Variants in ANK3 observed in about 807,000 individuals in gnomAD.
ANK3 encodes ankyrin-3.
In ANK3, 57 loss-of-function variants were observed where a neutral mutation model predicts 370.9. That is an observed-to-expected ratio of 0.15 (90% CI 0.12 to 0.19). The LOEUF is 0.19. Among genes scored for constraint, ANK3 ranks in the 10% least tolerant of loss-of-function variants. The pLI is 1.00. For synonymous variants in ANK3, 1,929 were observed against 1,946.3 expected (o/e 0.99, Z 0.23); for missense variants, 4,439 against 5,302.1 (o/e 0.84, Z 5.06).
chr10:60,241,479 C>T (rs946829701), intron 7 of ANK3, among the ~76,000 whole-genome samples: 1 of 152,058 alleles, frequency 6.6e-6, no homozygotes, highest in African/African-American at 2.4e-5. Context: ...GTCTAATCAC[C>T]TATATTACAG....
chr10:60,683,074 C>T (rs60991037), intron 1 of ANK3, among the ~76,000 whole-genome samples: 2 of 152,034 alleles, frequency 1.3e-5, no homozygotes, highest in African/African-American at 2.4e-5. Context: ...TTGAAGGACA[C>T]CAGCTGGTGT....
At chr10:60,664,566 A>T (rs2078973798) in intron 1 of ANK3, among the ~76,000 whole-genome samples, 1 of 152,216 alleles carries the variant, frequency 6.6e-6, no homozygotes, top group African/African-American at 2.4e-5. Context: ...AACCAGAATA[A>T]ATTAGCTCAA....
intron 28 of ANK3, among the ~76,000 whole-genome samples, chr10:60,097,182 C>T (rs1392531366): frequency 4.6e-5 from 7 of 152,096 alleles, no homozygotes; most frequent in African/African-American, 1.7e-4. Flanking sequence ...AGTGACTTGT[C>T]CAGATGGATT....
At chr10:60,239,661 G>A (rs1395115428) in intron 7 of ANK3, among the ~76,000 whole-genome samples, 1 of 151,880 alleles carries the variant, frequency 6.6e-6, no homozygotes, top group Non-Finnish European at 1.5e-5. Flanking sequence ...CAGAAACTTA[G>A]GCCTGCACCA....
chr10:60,043,573 C>T, intron 42 of ANK3: 14 of 985,428 alleles, frequency 1.4e-5, no homozygotes, highest in African/African-American at 1.7e-5. Flanking sequence ...ACCCCCTCCT[C>T]AGACGAAGAT....
rs1445883154 is a variant in ANK3, at chr10:60,088,356, G to A, written c.3331C>T (p.Leu1111Phe). The stretch of plus-strand genomic sequence containing the variant: ...TTCCCTAACTCTTCTGGGCTATCAA[G>A]TTCTGAAAAGACAAATGAAAGAAAA... ...TELLNGMDEELDSPEELGKKR... is the reference protein window; with the variant it reads ...TELLNGMDEEFDSPEELGKKR... Residue 1111 changes from leucine to phenylalanine, a missense_variant and splice_region_variant, in exon 29 of 44, where the codon CTT becomes TTT. Leu to Phe is a conservative substitution (Grantham distance 22, BLOSUM62 0). Coordinates refer to ENST00000280772, the MANE Select transcript of ANK3 (RefSeq NM_020987.5). 1.2e-6 allele frequency: 2 copies of A among 1,613,484 alleles called. No homozygotes were observed. Among genetic ancestry groups the A allele is most frequent in the South Asian group, 2.2e-5 (2 of 90,996 alleles).
At chr10:60,190,235 A>T (rs2096451190) in intron 16 of ANK3, among the ~76,000 whole-genome samples, 1 of 152,198 alleles carries the variant, frequency 6.6e-6, no homozygotes, top group South Asian at 2.1e-4. Flanking sequence ...AAAAGGACAA[A>T]GGATGTGATC....
chr10:60,579,326 TAAAAAAAA>T (rs763281984), intron 2 of ANK3, among the ~76,000 whole-genome samples: 3 of 69,022 alleles, frequency 4.3e-5, no homozygotes, highest in East Asian at 4.1e-4. Context: ...TCTCTCTCAA[TAAAAAAAA>T]AAAAAAAAAA....
intron 32 of ANK3, 197 bp downstream of exon 32, chr10:60,084,405 C>CAA (rs35417527): frequency 0.012 from 2,330 of 191,200 alleles, no homozygotes; most frequent in Middle Eastern, 0.018. Context: ...GGCTCCGTCT[C>CAA]AAAAAAAAAA....
chr10:60,186,591 A>G (rs1042691247), intron 17 of ANK3, 124 bp downstream of exon 17: 1 of 1,084,578 alleles, frequency 9.2e-7, no homozygotes, highest in Non-Finnish European at 1.4e-6. Context: ...TTGGTAAACA[A>G]CTTGGTGCAA....
chr10:60,370,681 G>C (rs2059988671), intron 1 of ANK3, among the ~76,000 whole-genome samples: 2 of 152,098 alleles, frequency 1.3e-5, no homozygotes, highest in African/African-American at 4.8e-5. Flanking sequence ...CCCAGTGAAT[G>C]ACAGCTTAGA....
intron 1 of ANK3, among the ~76,000 whole-genome samples, chr10:60,335,217 G>A (rs2052528498): frequency 6.6e-6 from 1 of 152,108 alleles, no homozygotes. Context: ...TGAGGTTGTG[G>A]CTAGTAAGGG....
chr10:60,108,139 G>GAAAA, intron 27 of ANK3: 1 of 341,772 alleles, frequency 2.9e-6, no homozygotes, highest in Non-Finnish European at 5.8e-6. Context: ...ATTGAAAATG[G>GAAAA]AAAAAAAAAA....
chr10:60,031,156 C>T lies in ANK3; in HGVS notation c.*20-1330G>A, dbSNP rs561797380. The stretch of plus-strand genomic sequence containing the variant: ...ACTAATCTTTCAAAAGGAAGAAAAG[C>T]GTCATTACTTCATTACAATGAAATT... On this transcript the variant is annotated intron_variant, in intron 43 of 43. Transcript: ENST00000280772. Among the ~76,000 whole-genome samples, 16 of 152,280 alleles carry T rather than the reference C, an allele frequency of 1.1e-4. No homozygotes were observed. The East Asian group carries it at 2.5e-3, about 24-fold the overall frequency.
At chr10:60,297,260 A>T (rs1052258134) in intron 1 of ANK3, among the ~76,000 whole-genome samples, 23 of 152,294 alleles carry the variant, frequency 1.5e-4, no homozygotes, top group Admixed American at 1.2e-3. Flanking sequence ...AAAGAAAAAA[A>T]TGGCATTCAC....
At chr10:60,419,718 C>T (rs935429774) in intron 2 of ANK3, among the ~76,000 whole-genome samples, 3 of 152,080 alleles carry the variant, frequency 2.0e-5, no homozygotes, top group African/African-American at 7.2e-5. Context: ...AGTCCAGGGA[C>T]CTACCTTTTT....
chr10:60,256,602 G>T (rs1213629586), intron 7 of ANK3, among the ~76,000 whole-genome samples: 1 of 152,164 alleles, frequency 6.6e-6, no homozygotes, highest in Non-Finnish European at 1.5e-5. Flanking sequence ...TGTGAGCATA[G>T]TACCCAATAG....
chr10:60,306,973 A>G (rs1025169775), intron 1 of ANK3, among the ~76,000 whole-genome samples: 2 of 151,882 alleles, frequency 1.3e-5, no homozygotes, highest in Non-Finnish European at 2.9e-5. Flanking sequence ...CAAGCGATCT[A>G]CCCGCCTCAG....
At chr10:60,179,655 T>G (rs1468821207) in intron 18 of ANK3, among the ~76,000 whole-genome samples, 12 of 150,792 alleles carry the variant, frequency 8.0e-5, no homozygotes, top group Non-Finnish European at 1.8e-4. Context: ...CATTCCAGCT[T>G]GAGTGACAGA....
Sources: gnomAD v4.1 joint callset for allele counts (sites outside exome capture counted in the v4.1 genomes callset) on GRCh38, gnomAD v4.1.1 for gene constraint, MANE v1.5 for transcripts, NCBI Gene and HGNC (gene_info 2026-07-23, HGNC 2026-07-21) for gene names.